ZNF12: variants seen among roughly 807,000 people sequenced by gnomAD.
ZNF12 encodes zinc finger protein 12.
A neutral mutation model predicts 66.6 loss-of-function variants in ZNF12; 34 were observed. The ratio of observed to expected loss-of-function variants is 0.51; its 90% CI spans 0.39 to 0.68. ZNF12 has a LOEUF of 0.68. ZNF12 is among the 30% of genes least tolerant of loss of function. The pLI is 0.00. For synonymous variants in ZNF12, 320 were observed against 278.9 expected (o/e 1.15, Z -1.47); for missense variants, 697 against 826.9 (o/e 0.84, Z 1.93).
chr7:6,697,862 T>A lies in ZNF12; in HGVS notation c.16-51A>T. ...GGGTGACGTGAAATAGGCACATAGG[T>A]ACAAGATCTTAGCATGCTCACTGGC... On this transcript the variant is annotated intron_variant, in intron 2 of 4. Coordinates refer to ENST00000405858, the MANE Select transcript of ZNF12 (RefSeq NM_016265.4). The surrounding 1 kb of genome is among the most constrained non-coding windows in gnomAD (Gnocchi z 6.1). 1.2e-6 allele frequency: 2 copies of A among 1,609,664 alleles called. No homozygotes were observed. The highest frequency in any genetic ancestry group is 8.5e-7 in the Non-Finnish European group (1 of 1,176,716).
intron 2 of ZNF12, among the ~76,000 whole-genome samples, chr7:6,700,007 C>A (rs573418103): frequency 6.6e-6 from 1 of 151,612 alleles, no homozygotes; most frequent in Non-Finnish European, 1.5e-5. Context: ...CAGGGACGGC[C>A]GGGCGTGGTG....
rs1780031712 is a variant in ZNF12 at position 6,689,307 on chromosome 7, G to A, written c.*1541C>T. 1 of 152,314 alleles carries A rather than the reference G, an allele frequency of 6.6e-6. No homozygotes were observed. Among genetic ancestry groups the A allele is most frequent in the African/African-American group, 2.4e-5 (1 of 41,580 alleles). 9.4% of individuals were successfully genotyped at this position (152,314 alleles called of 1,614,324 possible). On this transcript the variant is annotated 3_prime_UTR_variant, in exon 5 of 5. Transcript: ENST00000405858. ...AACTATAATCCATTGCTGAAAGATG[G>A]TTACCAGGCACCACATCCAGACAAG...
rs937734131 is a variant in ZNF12, at chr7:6,696,832, G to A, written c.238+507C>T. Among the ~76,000 whole-genome samples the A allele has an allele frequency of 6.6e-6, 1 of 152,072 alleles. No individual in the cohort carries two copies. Among genetic ancestry groups the A allele is most frequent in the Non-Finnish European group, 1.5e-5 (1 of 68,016 alleles). ...GGAATGAGCAGCACTGTCCAATGAA[G>A]CACAGGTGCACATGACAAGTAGCAG... is the stretch of plus-strand genomic sequence containing the variant. On this transcript the variant is annotated intron_variant, in intron 4 of 4. Coordinates refer to ENST00000405858, the MANE Select transcript of ZNF12 (RefSeq NM_016265.4). The surrounding 1 kb of genome is among the most constrained non-coding windows in gnomAD (Gnocchi z 4.0).
chr7:6,695,456 C>T (rs1487998459), intron 4 of ZNF12, among the ~76,000 whole-genome samples: 1 of 151,918 alleles, frequency 6.6e-6, no homozygotes, highest in African/African-American at 2.4e-5. Flanking sequence ...ATCCTCCTGC[C>T]TCAGCTTCCC....
rs1405659412 is a variant in ZNF12, at chr7:6,698,373, A to T, written c.16-562T>A. Among the ~76,000 whole-genome samples the T allele has an allele frequency of 6.6e-6, 1 of 152,022 alleles. No homozygotes were observed. The highest frequency in any genetic ancestry group is 1.9e-4 in the East Asian group (1 of 5,200). ...TGGCTAATTTAATTACCATCTATAC[A>T]CCAACATTTTCCAAATTTACATCAT... On this transcript the variant is annotated intron_variant, in intron 2 of 4. Coordinates refer to ENST00000405858, the MANE Select transcript of ZNF12 (RefSeq NM_016265.4). This position sits in a 1 kb window ranked among gnomAD's most constrained non-coding sequence, Gnocchi z 4.4.
rs745685140 is a variant in ZNF12, at chr7:6,691,716, T to C, written c.1226A>G (p.Tyr409Cys). 3 of 1,613,996 alleles carry C rather than the reference T, an allele frequency of 1.9e-6. No homozygotes were observed. Among genetic ancestry groups the C allele is most frequent in the South Asian group, 1.1e-5 (1 of 91,076 alleles). The change falls in exon 5 of 5, where the codon TAC (tyrosine) becomes TGC (cysteine). Residue 409 changes from tyrosine (Y) to cysteine (C), a missense_variant. Tyr to Cys is a radical substitution (Grantham distance 194). Transcript: ENST00000405858. ...GCATTTCCCACATTCACTACACTTG[T>C]AGAGTTTCACACCTGTGTGAATTTT... Reference protein sequence around the residue: ...HQKIHTGVKLYKCSECGKCFC... With the variant: ...HQKIHTGVKLCKCSECGKCFC...
At chr7:6,703,739 C>T (rs558003764) in intron 2 of ZNF12, among the ~76,000 whole-genome samples, 274 of 152,270 alleles carry the variant, frequency 1.8e-3, no homozygotes, top group Non-Finnish European at 3.1e-3. Flanking sequence ...GGTACAGAGT[C>T]GTGAGCCAAG....
At chr7:6,700,970 T>C (rs1780233655) in intron 2 of ZNF12, 1 of 152,100 alleles carries the variant, frequency 6.6e-6, no homozygotes, top group Non-Finnish European at 1.5e-5. Flanking sequence ...GTTTGTTCGT[T>C]TGTTCATTCA....
intron 4 of ZNF12, among the ~76,000 whole-genome samples, chr7:6,693,884 C>T (rs913426919): frequency 6.6e-6 from 1 of 152,126 alleles, no homozygotes; most frequent in African/African-American, 2.4e-5. Context: ...AATCAGATCC[C>T]TGGCCGGGCG....
intron 2 of ZNF12, among the ~76,000 whole-genome samples, chr7:6,700,308 C>CACACACAA (rs1318641799): frequency 7.9e-6 from 1 of 125,890 alleles, no homozygotes; most frequent in African/African-American, 3.5e-5. Flanking sequence ...AAAATATACA[C>CACACACAA]ACACACACAC....
Position 6,697,610 on chromosome 7 carries a change from A to G in ZNF12, c.142+75T>C. 6.3e-7 allele frequency: 1 copy of G among 1,598,930 alleles called. No homozygotes were observed. The highest frequency in any genetic ancestry group is 8.5e-7 in the Non-Finnish European group (1 of 1,170,774). On this transcript the variant is annotated intron_variant, in intron 3 of 4. Transcript: ENST00000405858. This position sits in a 1 kb window ranked among gnomAD's most constrained non-coding sequence, Gnocchi z 6.1. Reference sequence around the variant, plus strand: ...CAGATTACTCACATTCGTCCCATCAAATTTTAAGTTAAAGTCATAAAATTT... The same window carrying G: ...CAGATTACTCACATTCGTCCCATCAGATTTTAAGTTAAAGTCATAAAATTT...
At position 6,692,886 on chromosome 7, in the gene ZNF12, A is replaced by C. The variant is rs77426554; in HGVS notation, c.239-183T>G. Among the ~76,000 whole-genome samples, 312 of 150,186 alleles carry C rather than the reference A, an allele frequency of 2.1e-3. 3 individuals are homozygous for C. The highest frequency in any genetic ancestry group is 0.016 in the East Asian group (82 of 5,132). ...TTTTGCTTAAAATTACACACACACA[A>C]ACACACACACACACACACATCCCCC... On this transcript the variant is annotated intron_variant, in intron 4 of 4. Coordinates refer to ENST00000405858, the MANE Select transcript of ZNF12 (RefSeq NM_016265.4). The surrounding 1 kb of genome is among the most constrained non-coding windows in gnomAD (Gnocchi z 5.1).
At position 6,689,528 on chromosome 7, in the gene ZNF12, C is replaced by A. The variant is rs377732083; in HGVS notation, c.*1320G>T. ...AAACTAATCAGGATTTATCTCACTTCCTTTTGAGGATAAATGGATAACCAA... is the reference window on the plus strand; with the variant it reads ...AAACTAATCAGGATTTATCTCACTTACTTTTGAGGATAAATGGATAACCAA... On this transcript the variant is annotated 3_prime_UTR_variant, in exon 5 of 5. Transcript: ENST00000405858. The A allele has an allele frequency of 1.3e-5, 2 of 152,546 alleles. No individual in the cohort carries two copies. The highest frequency in any genetic ancestry group is 4.8e-5 in the African/African-American group (2 of 41,576). The allele number at this position is 152,546 out of a possible 1,614,324, so 9.4% of individuals were successfully genotyped here.
In ZNF12 at chr7:6,705,697, C is replaced by A. The variant is rs141715693; in HGVS notation, c.-50-474G>T. Among the ~76,000 whole-genome samples, 2,859 of 145,626 alleles carry A rather than the reference C, an allele frequency of 0.02. 42 individuals carry two copies. Among genetic ancestry groups the A allele is most frequent in the Non-Finnish European group, 0.026 (1,742 of 66,778 alleles). ...TGGCACCATTGCACTCCAGCCTGGG[C>A]AACAAAGCGAAACTTGTCTCAAAAA... On this transcript the variant is annotated intron_variant, in intron 1 of 4. Transcript: ENST00000405858. The surrounding 1 kb of genome is among the most constrained non-coding windows in gnomAD (Gnocchi z 4.0).
rs780339998 is a variant in ZNF12 at position 6,698,766 on chromosome 7, T to C, written c.16-955A>G. On this transcript the variant is annotated intron_variant, in intron 2 of 4. Coordinates refer to ENST00000405858, the MANE Select transcript of ZNF12 (RefSeq NM_016265.4). This position sits in a 1 kb window ranked among gnomAD's most constrained non-coding sequence, Gnocchi z 4.4. ...CCTGAGGAGGAACAGACAGCTGACC[T>C]GGAAACTGTCAAAACCACATCTATA... Among the ~76,000 whole-genome samples the C allele has an allele frequency of 5.3e-5, 8 of 152,200 alleles. No individual in the cohort carries two copies. The highest frequency in any genetic ancestry group is 8.8e-5 in the Non-Finnish European group (6 of 68,040).
At chr7:6,700,304 T>TATACACAC (rs1554294764) in intron 2 of ZNF12, among the ~76,000 whole-genome samples, 3 of 129,036 alleles carry the variant, frequency 2.3e-5, no homozygotes, top group African/African-American at 9.2e-5. Flanking sequence ...AAAAAAAATA[T>TATACACAC]ACACACACAC....
chr7:6,699,975 C>T (rs1780208511), intron 2 of ZNF12, among the ~76,000 whole-genome samples: 1 of 152,016 alleles, frequency 6.6e-6, no homozygotes, highest in African/African-American at 2.4e-5. Flanking sequence ...AAACCAGAAT[C>T]CCTCTTACAA....
At chr7:6,694,030 G>C (rs1780115892) in intron 4 of ZNF12, among the ~76,000 whole-genome samples, 1 of 151,998 alleles carries the variant, frequency 6.6e-6, no homozygotes. Context: ...AGCCGGGCGT[G>C]GTGGTGGGCA....
At chr7:6,693,906 G>A (rs1039609035) in intron 4 of ZNF12, among the ~76,000 whole-genome samples, 7 of 151,894 alleles carry the variant, frequency 4.6e-5, no homozygotes, top group Admixed American at 4.6e-4. Context: ...GGTAGCTCAC[G>A]CCTGTAATCC....
Sources: allele counts gnomAD v4.1 joint callset (sites outside exome capture counted in the v4.1 genomes callset), GRCh38; gene constraint gnomAD v4.1.1; non-coding constraint Gnocchi (gnomAD v3.1); transcripts MANE v1.5; gene names NCBI Gene and HGNC (gene_info 2026-07-23, HGNC 2026-07-21).